The following DIP2A variants were observed in gnomAD, a reference collection of about 807,000 sequenced individuals.
DIP2A encodes the protein DIP2 acetate--CoA ligase A.
A neutral mutation model predicts 177.4 loss-of-function variants in DIP2A; 85 were observed. The observed-to-expected ratio is 0.48, with a 90% confidence interval of 0.40 to 0.57. The LOEUF is 0.57. Among genes scored for constraint, DIP2A ranks in the 20% least tolerant of loss-of-function variants. The pLI is 0.00. For synonymous variants in DIP2A, 886 were observed against 881.8 expected (o/e 1.00, Z -0.08); for missense variants, 1,791 against 2,100.2 (o/e 0.85, Z 2.88).
rs368044633 is a variant in DIP2A, at chr21:46,557,581, G to A, written c.3630-4G>A. 21 of 1,604,838 alleles carry A rather than the reference G, an allele frequency of 1.3e-5. No individual in the cohort carries two copies. The highest frequency in any genetic ancestry group is 1.7e-5 in the Admixed American group (1 of 59,786). On this transcript the variant is annotated splice_polypyrimidine_tract_variant and splice_region_variant and intron_variant, in intron 30 of 37. Transcript: ENST00000417564. This position sits in a 1 kb window ranked among gnomAD's most constrained non-coding sequence, Gnocchi z 6.0. ...CGGAGCCTCACGAGCCTTCCCTCTC[G>A]CAGTGTCTACTCGGGACACCAATCA...
At chr21:46,573,645 CAAAAAAAAAAAAAAAAAAAAAA>C (rs201994694), downstream of DIP2A, among the ~76,000 whole-genome samples, 946 of 52,996 alleles carry the variant, frequency 0.018, 25 homozygotes, top group African/African-American at 0.073. Flanking sequence ...CCCTCTCTCA[CAAAAAAAAAAAAAAAAAAAAAA>C]AAAAAAAAAA....
At chr21:46,562,028 A>G (rs1335627031) in intron 34 of DIP2A, 10 of 775,286 alleles carry the variant, frequency 1.3e-5, no homozygotes, top group Admixed American at 6.2e-5. Flanking sequence ...AAGCCAAGAA[A>G]GGGAGAAGTT....
At chr21:46,511,722 A>T in intron 8 of DIP2A, 108 bp downstream of exon 8, 1 of 1,191,368 alleles carries the variant, frequency 8.4e-7, no homozygotes, top group Non-Finnish European at 1.1e-6. Context: ...AAACCAGCAC[A>T]GCTGGCAGAT....
At chr21:46,481,295 A>G (rs1403052774) in intron 1 of DIP2A, among the ~76,000 whole-genome samples, 4 of 152,254 alleles carry the variant, frequency 2.6e-5, no homozygotes, top group East Asian at 3.8e-4. Flanking sequence ...GCAAGTATCA[A>G]TAGTCTGTTC....
Position 46,563,576 on chromosome 21 carries a change from G to T in DIP2A, c.4090-282G>T. The stretch of plus-strand genomic sequence containing the variant: ...CCCATCAGGTGCGCTGGCATCACCT[G>T]GCTGATTGTCTTTGTAGGCTTAGTG... On this transcript the variant is annotated intron_variant, in intron 34 of 37. Transcript: ENST00000417564. The surrounding 1 kb of genome is among the most constrained non-coding windows in gnomAD (Gnocchi z 4.3). 1 of 411,346 alleles carries T rather than the reference G, an allele frequency of 2.4e-6. No homozygotes were observed. Among genetic ancestry groups the T allele is most frequent in the East Asian group, 5.0e-5 (1 of 19,994 alleles). 25.5% of individuals were successfully genotyped at this position (411,346 alleles called of 1,614,324 possible).
chr21:46,574,745 C>T (rs1334707527), downstream of DIP2A, among the ~76,000 whole-genome samples: 2 of 152,034 alleles, frequency 1.3e-5, no homozygotes, highest in African/African-American at 2.4e-5. Flanking sequence ...CAAGACTAAT[C>T]ATGAAGAAAT....
At position 46,464,817 on chromosome 21, in the gene DIP2A, C is replaced by CTTTTTTTTTTTTTTTTTTTTTTT. The variant is rs1168153777; in HGVS notation, c.91+5600_91+5622dup. Among the ~76,000 whole-genome samples the CTTTTTTTTTTTTTTTTTTTTTTT allele has an allele frequency of 9.5e-5, 7 of 73,440 alleles. 1 individual carries two copies. In the East Asian group the frequency reaches 1.1e-3, roughly 12 times the overall value. 48.2% of individuals were successfully genotyped at this position (73,440 alleles called of 152,430 possible). A position where few individuals can be genotyped will look rare whatever the true frequency, so the allele number is the denominator to read the frequency against. On this transcript the variant is annotated intron_variant, in intron 1 of 37. Transcript: ENST00000417564. ...TCTTCCTTTTTCTTAATATTCATGT[C>CTTTTTTTTTTTTTTTTTTTTTTT]TTTTTTTTTTTTTTTTTTTTTTTTT...
intron 1 of DIP2A, among the ~76,000 whole-genome samples, chr21:46,461,133 A>G (rs2054262446): frequency 6.6e-6 from 1 of 151,794 alleles, no homozygotes; most frequent in African/African-American, 2.4e-5. Context: ...CTCTGTCTCT[A>G]CAGTATTAAA....
At chr21:46,479,406 A>C (rs1041391961) in intron 1 of DIP2A, among the ~76,000 whole-genome samples, 1 of 152,240 alleles carries the variant, frequency 6.6e-6, no homozygotes, top group Admixed American at 6.5e-5. Flanking sequence ...TATTTTATTA[A>C]AAACTGAGAT....
chr21:46,525,300 A>G (rs1238342193), intron 8 of DIP2A, among the ~76,000 whole-genome samples: 1 of 152,194 alleles, frequency 6.6e-6, no homozygotes, highest in East Asian at 1.9e-4. Flanking sequence ...TAGGTCTGCC[A>G]TTCACCTGGA....
chr21:46,479,562 G>A (rs2056183014), intron 1 of DIP2A, among the ~76,000 whole-genome samples: 1 of 152,028 alleles, frequency 6.6e-6, no homozygotes, highest in Admixed American at 6.6e-5. Context: ...GTCTCATTCT[G>A]CTATTCAAGC....
intron 33 of DIP2A, 169 bp from the exon 34 acceptor site, chr21:46,561,579 T>G: frequency 3.5e-6 from 3 of 860,948 alleles, no homozygotes; most frequent in Non-Finnish European, 5.7e-6. Context: ...GACCGCAGCG[T>G]GGTTGGGGTG....
intron 25 of DIP2A, among the ~76,000 whole-genome samples, chr21:46,552,756 G>A (rs1415518502): frequency 1.3e-5 from 2 of 152,208 alleles, no homozygotes; most frequent in Non-Finnish European, 2.9e-5. Context: ...AAGTTCCGTA[G>A]GAGAGAGACT....
intron 3 of DIP2A, among the ~76,000 whole-genome samples, chr21:46,492,401 A>AT (rs1276729631): frequency 6.6e-6 from 1 of 152,192 alleles, no homozygotes; most frequent in Non-Finnish European, 1.5e-5. Flanking sequence ...TACCTTAATA[A>AT]TAAGTGTTAA....
At chr21:46,555,840 C>T in intron 28 of DIP2A, 142 bp from the exon 29 acceptor site, 4 of 710,030 alleles carry the variant, frequency 5.6e-6, no homozygotes, top group South Asian at 1.5e-5. Context: ...CAGCCTGCAT[C>T]GTCACGGCCC....
In DIP2A at chr21:46,458,999, C is replaced by T. The variant is rs1044150962; in HGVS notation, c.-133C>T. On this transcript the variant is annotated 5_prime_UTR_variant, in exon 1 of 38. Coordinates refer to ENST00000417564, the MANE Select transcript of DIP2A (RefSeq NM_015151.4). ...GTTGCTGTCCTGGCCGCGCCCCTGT[C>T]CCGCCGCCTCCCGCTCCTCGCCTGG... 8 of 726,386 alleles carry T rather than the reference C, an allele frequency of 1.1e-5. No homozygotes were observed. The Admixed American group carries it at 1.3e-4, about 12-fold the overall frequency. The allele number at this position is 726,386 out of a possible 1,614,324, so 45.0% of individuals were successfully genotyped here.
chr21:46,479,834 C>T lies in DIP2A; in HGVS notation c.92-4923C>T, dbSNP rs149152704. On this transcript the variant is annotated intron_variant, in intron 1 of 37. Coordinates refer to ENST00000417564, the MANE Select transcript of DIP2A (RefSeq NM_015151.4). ...AGATGTGAGCCACCATGCTTGGCTG[C>T]ATAAATAATTTAAATTGCAGTCAGA... is the stretch of plus-strand genomic sequence containing the variant. Among the ~76,000 whole-genome samples the T allele has an allele frequency of 5.9e-5, 9 of 152,228 alleles. No individual in the cohort carries two copies. The East Asian group carries it at 1.7e-3, about 29-fold the overall frequency.
intron 18 of DIP2A, among the ~76,000 whole-genome samples, chr21:46,542,199 C>G (rs1441850483): frequency 6.6e-6 from 1 of 152,100 alleles, no homozygotes; most frequent in African/African-American, 2.4e-5. Context: ...TTTTTCCCTC[C>G]CTTTGTGCTA....
intron 2 of DIP2A, among the ~76,000 whole-genome samples, chr21:46,489,202 A>G (rs947312343): frequency 6.6e-6 from 1 of 152,240 alleles, no homozygotes; most frequent in Admixed American, 6.5e-5. Flanking sequence ...GAGTGTTCCC[A>G]TTCTCCAGTG....
Sources: allele counts gnomAD v4.1 joint callset (sites outside exome capture counted in the v4.1 genomes callset), GRCh38; gene constraint gnomAD v4.1.1; non-coding constraint Gnocchi (gnomAD v3.1); transcripts MANE v1.5; gene names NCBI Gene and HGNC (gene_info 2026-07-23, HGNC 2026-07-21).